Variants in SLCO1B3 observed in about 807,000 individuals in gnomAD.
SLCO1B3 encodes liver-specific organic anion transporter 2.
In SLCO1B3, 72 loss-of-function variants were observed where a neutral mutation model predicts 71.8. That is an observed-to-expected ratio of 1.00 (90% CI 0.83 to 1.22). SLCO1B3 has a LOEUF of 1.22. SLCO1B3 is among the 50% of genes most tolerant of loss of function. The probability of loss-of-function intolerance (pLI) is 0.00; values close to 1 mark genes in which losing one functional copy is unlikely to be tolerated. For synonymous variants in SLCO1B3, 298 were observed against 278.4 expected (o/e 1.07, Z -0.70); for missense variants, 911 against 819.7 (o/e 1.11, Z -1.36).
At chr12:20,857,504 A>G (rs1182418995) in intron 4 of SLCO1B3, among the ~76,000 whole-genome samples, 2 of 151,646 alleles carry the variant, frequency 1.3e-5, no homozygotes, top group African/African-American at 4.8e-5. Context: ...TTTTATATCA[A>G]GTTCTAATTT....
chr12:20,912,821 CTTT>C (rs60164490), intron 15 of SLCO1B3, among the ~76,000 whole-genome samples: 9 of 124,794 alleles, frequency 7.2e-5, no homozygotes, highest in Admixed American at 1.7e-4. Context: ...TGCGCCCAGC[CTTT>C]TTTTTTTTTT....
intron 13 of SLCO1B3, among the ~76,000 whole-genome samples, chr12:20,894,877 C>A (rs1318409952): frequency 6.6e-6 from 1 of 152,092 alleles, no homozygotes; most frequent in African/African-American, 2.4e-5. Flanking sequence ...GAGCAGTTTA[C>A]AAAAGAGGGA....
At chr12:20,865,639 C>T (rs746008735) in intron 8 of SLCO1B3, among the ~76,000 whole-genome samples, 12 of 151,718 alleles carry the variant, frequency 7.9e-5, no homozygotes, top group Admixed American at 2.0e-4. Flanking sequence ...AGATTTGTGA[C>T]GACATGAAAA....
intron 13 of SLCO1B3, among the ~76,000 whole-genome samples, chr12:20,886,185 A>G (rs936714755): frequency 3.3e-5 from 5 of 152,048 alleles, no homozygotes; most frequent in African/African-American, 1.2e-4. Flanking sequence ...CAAAAGGGGA[A>G]ACACTAAGGA....
chr12:20,867,605 A>G (rs1484970107), intron 8 of SLCO1B3, among the ~76,000 whole-genome samples: 1 of 152,200 alleles, frequency 6.6e-6, no homozygotes. Context: ...GACAGAAACA[A>G]ATTGACATCA....
chr12:20,894,300 C>A (rs753805419), intron 13 of SLCO1B3, among the ~76,000 whole-genome samples: 2 of 152,104 alleles, frequency 1.3e-5, no homozygotes, highest in Non-Finnish European at 2.9e-5. Context: ...TAACCATGCA[C>A]GAGCGTGTGC....
chr12:20,897,105 G>A (rs768604949), intron 13 of SLCO1B3, among the ~76,000 whole-genome samples: 9 of 152,166 alleles, frequency 5.9e-5, no homozygotes, highest in Non-Finnish European at 1.2e-4. Flanking sequence ...GATTTAAGTA[G>A]GGACACAGAG....
intron 8 of SLCO1B3, among the ~76,000 whole-genome samples, chr12:20,872,894 C>T (rs971650091): frequency 1.1e-4 from 16 of 152,162 alleles, no homozygotes; most frequent in Non-Finnish European, 1.8e-4. Context: ...TCAATCAGCC[C>T]AGCCATATCT....
intron 9 of SLCO1B3, among the ~76,000 whole-genome samples, chr12:20,877,414 G>T (rs1338251383): frequency 6.6e-6 from 1 of 152,098 alleles, no homozygotes; most frequent in Admixed American, 6.6e-5. Flanking sequence ...GAAAATTCCA[G>T]TTCATTACAA....
chr12:20,813,762 G>A (rs554309066), intron 2 of SLCO1B3, 124 bp downstream of exon 2: 1 of 152,270 alleles, frequency 6.6e-6, no homozygotes, highest in East Asian at 1.9e-4. Context: ...ATTAAGTTAT[G>A]TATTGATCCG....
At chr12:20,828,814 T>C (rs1864482524) in intron 3 of SLCO1B3, among the ~76,000 whole-genome samples, 2 of 152,118 alleles carry the variant, frequency 1.3e-5, no homozygotes. Context: ...CCAGAAAAGA[T>C]TGGATTTAGG....
At chr12:20,825,752 T>C (rs192904468) in intron 3 of SLCO1B3, among the ~76,000 whole-genome samples, 1 of 148,636 alleles carries the variant, frequency 6.7e-6, no homozygotes, top group Non-Finnish European at 1.5e-5. Context: ...TGAGTCGAGA[T>C]TGTGGCACTG....
At chr12:20,815,588 T>G in intron 2 of SLCO1B3, 86 bp from the exon 3 acceptor site, 1 of 558,550 alleles carries the variant, frequency 1.8e-6, no homozygotes, top group South Asian at 2.3e-5. Context: ...AATGATTGAT[T>G]GATTGATATT....
At chr12:20,835,882 T>A (rs1732922796) in intron 3 of SLCO1B3, among the ~76,000 whole-genome samples, 2 of 152,124 alleles carry the variant, frequency 1.3e-5, no homozygotes, top group African/African-American at 4.8e-5. Context: ...CAGTACCAAT[T>A]TACTGTATTA....
chr12:20,823,276 A>G (rs1864354950), intron 3 of SLCO1B3, among the ~76,000 whole-genome samples: 1 of 152,176 alleles, frequency 6.6e-6, no homozygotes, highest in Non-Finnish European at 1.5e-5. Flanking sequence ...TCACAGCTTA[A>G]TATTTAGTAA....
chr12:20,877,913 C>A lies in SLCO1B3; in HGVS notation c.1112C>A (p.Ala371Glu). Residue 371 changes from alanine (A) to glutamate (E), a missense_variant, in exon 10 of 16, where the codon GCA becomes GAA. By Grantham distance (107) the Ala-to-Glu change is moderately radical. Transcript: ENST00000381545. ...KYMEQQYGQS[A>E]SHANFLLGII... ...ATGGAGCAACAGTACGGTCAGTCTG[C>A]ATCTCATGCTAACTTTTTGTTGGGT... 8.8e-6 allele frequency: 14 copies of A among 1,590,682 alleles called. No individual in the cohort carries two copies. The highest frequency in any genetic ancestry group is 1.2e-5 in the Non-Finnish European group (14 of 1,170,966).
chr12:20,817,878 C>T (rs564815107), intron 3 of SLCO1B3, among the ~76,000 whole-genome samples: 6 of 152,202 alleles, frequency 3.9e-5, no homozygotes, highest in South Asian at 2.1e-4. Context: ...CTTGAGCCAC[C>T]GTGCCTGGCC....
chr12:20,858,425 TG>T lies in SLCO1B3; in HGVS notation c.227-13del, dbSNP rs773468786. 2.6e-6 allele frequency: 4 copies of T among 1,545,008 alleles called. No individual in the cohort carries two copies. The highest frequency in any genetic ancestry group is 2.3e-5 in the East Asian group (1 of 44,384). ...ACACTAAGTCATATCAACATAATTT[TG>T]TTTTTTTTCTAGGAAATTTGCTTGT... On this transcript the variant is annotated splice_polypyrimidine_tract_variant and intron_variant, in intron 4 of 15. Coordinates refer to ENST00000381545, the MANE Select transcript of SLCO1B3 (RefSeq NM_019844.4).
chr12:20,839,777 G>A (rs1449883705), intron 3 of SLCO1B3, among the ~76,000 whole-genome samples: 3 of 152,002 alleles, frequency 2.0e-5, no homozygotes, highest in African/African-American at 7.2e-5. Context: ...TTTTTGGGGT[G>A]TCCCTATTAT....
Sources: gnomAD v4.1 joint callset for allele counts (sites outside exome capture counted in the v4.1 genomes callset) on GRCh38, gnomAD v4.1.1 for gene constraint, MANE v1.5 for transcripts, NCBI Gene and HGNC (gene_info 2026-07-23, HGNC 2026-07-21) for gene names.